CLEC9A: variants seen among roughly 807,000 people sequenced by gnomAD.
CLEC9A encodes C-type lectin domain family 9 member A.
CLEC9A carries 24 observed loss-of-function variants against 30.0 expected under a neutral mutation model. The ratio of observed to expected loss-of-function variants is 0.80; its 90% CI spans 0.58 to 1.13. The LOEUF is 1.13. Ranked by LOEUF, CLEC9A falls within the 50% of genes most tolerant of loss-of-function variation. The pLI, the probability that CLEC9A is intolerant of heterozygous loss-of-function variation, is 0.00. For missense variants in CLEC9A, 251 were observed against 280.9 expected (o/e 0.89, Z 0.76); for synonymous variants, 111 against 96.8 (o/e 1.15, Z -0.86).
At chr12:10,032,513 C>T in intron 1 of CLEC9A, among the ~76,000 whole-genome samples, 1 of 151,746 alleles carries the variant, frequency 6.6e-6, no homozygotes, top group Admixed American at 6.6e-5. Flanking sequence ...GCCTCAGCCT[C>T]TCGAGTAGCT....
intron 1 of CLEC9A, among the ~76,000 whole-genome samples, chr12:10,037,896 G>A (rs1865756992): frequency 6.6e-6 from 1 of 152,168 alleles, no homozygotes; most frequent in Admixed American, 6.5e-5. Flanking sequence ...AAGGAAGAGG[G>A]ACAAGAACGT....
chr12:10,049,743 G>A (rs1043880939), intron 2 of CLEC9A, among the ~76,000 whole-genome samples: 9 of 152,132 alleles, frequency 5.9e-5, no homozygotes, highest in African/African-American at 2.2e-4. Context: ...TGCTGTAATT[G>A]GCTTGATCTT....
intron 5 of CLEC9A, among the ~76,000 whole-genome samples, chr12:10,059,951 T>A (rs1865981915): frequency 6.6e-6 from 1 of 152,056 alleles, no homozygotes. Context: ...CAAGAAAAGA[T>A]GTTCAATGTC....
At chr12:10,042,584 T>C (rs1268539431) in intron 2 of CLEC9A, among the ~76,000 whole-genome samples, 1 of 152,084 alleles carries the variant, frequency 6.6e-6, no homozygotes, top group Non-Finnish European at 1.5e-5. Context: ...ATCCTTAAGC[T>C]CAAGGAGCAT....
intron 1 of CLEC9A, among the ~76,000 whole-genome samples, chr12:10,035,324 G>A (rs1327069591): frequency 5.9e-5 from 9 of 152,162 alleles, no homozygotes; most frequent in Admixed American, 2.0e-4. Flanking sequence ...CATCCAGGTC[G>A]GTGGGCAAAG....
At chr12:10,044,019 G>T (rs535661340) in intron 2 of CLEC9A, among the ~76,000 whole-genome samples, 1 of 152,194 alleles carries the variant, frequency 6.6e-6, no homozygotes, top group Admixed American at 6.5e-5. Context: ...TCCTTATTTT[G>T]TTACAGTTGA....
At chr12:10,063,939 T>C (rs1040335133) in intron 7 of CLEC9A, among the ~76,000 whole-genome samples, 2 of 151,912 alleles carry the variant, frequency 1.3e-5, no homozygotes, top group Non-Finnish European at 2.9e-5. Flanking sequence ...ACCCAGGAGG[T>C]AGAGGTTTGC....
intron 5 of CLEC9A, among the ~76,000 whole-genome samples, chr12:10,058,876 G>T (rs960565620): frequency 6.6e-6 from 1 of 152,136 alleles, no homozygotes; most frequent in Non-Finnish European, 1.5e-5. Flanking sequence ...CTGTGTGATC[G>T]TGGTTACCTC....
In CLEC9A at chr12:10,061,184, G is replaced by A; in HGVS notation, c.230G>A (p.Arg77Lys). Residue 77 changes from arginine to lysine, a missense_variant, in exon 6 of 9, where the codon AGG becomes AAG. Physicochemically the swap from Arg to Lys is conservative, Grantham distance 26. Transcript: ENST00000355819. ...CAAGAAAAACTCATCCAACAAGAGA[G>A]GGCACTGCTAAACTTTACAGAATGG... ...QQQEKLIQQERALLNFTEWKR... is the reference protein window; with the variant it reads ...QQQEKLIQQEKALLNFTEWKR... 1.2e-6 allele frequency: 2 copies of A among 1,613,200 alleles called. No homozygotes were observed. Among genetic ancestry groups the A allele is most frequent in the South Asian group, 1.1e-5 (1 of 90,892 alleles).
chr12:10,052,936 G>T, intron 4 of CLEC9A, 158 bp downstream of exon 4: 1 of 763,962 alleles, frequency 1.3e-6, no homozygotes, highest in Non-Finnish European at 1.9e-6. Context: ...GAAGGATTAA[G>T]TAACGGTGAA....
intron 1 of CLEC9A, among the ~76,000 whole-genome samples, chr12:10,035,600 T>A (rs141621611): frequency 6.6e-6 from 1 of 152,228 alleles, no homozygotes; most frequent in Non-Finnish European, 1.5e-5. Flanking sequence ...GATAGTACAT[T>A]TTTGTTGTTG....
chr12:10,064,430 G>A (rs187770252), intron 7 of CLEC9A, among the ~76,000 whole-genome samples: 5 of 152,222 alleles, frequency 3.3e-5, no homozygotes, highest in Middle Eastern at 3.4e-3. Flanking sequence ...TTTTGATAAC[G>A]AAGGTTCAGT....
At chr12:10,052,311 C>G (rs773538913) in intron 3 of CLEC9A, 1 of 182,200 alleles carries the variant, frequency 5.5e-6, no homozygotes, top group Non-Finnish European at 1.1e-5. Context: ...ATCTAGGTCA[C>G]CCCACGCTTC....
intron 2 of CLEC9A, among the ~76,000 whole-genome samples, chr12:10,047,627 C>T (rs1865857617): frequency 6.6e-6 from 1 of 152,144 alleles, no homozygotes; most frequent in South Asian, 2.1e-4. Context: ...AGTTCCAGAC[C>T]ACCACAATAA....
At chr12:10,039,730 T>C (rs1865774767) in intron 1 of CLEC9A, among the ~76,000 whole-genome samples, 1 of 152,256 alleles carries the variant, frequency 6.6e-6, no homozygotes, top group African/African-American at 2.4e-5. Flanking sequence ...GTTTGTATAT[T>C]TGTTGATTTT....
intron 5 of CLEC9A, among the ~76,000 whole-genome samples, chr12:10,059,976 A>C (rs1281079919): frequency 6.6e-6 from 1 of 152,230 alleles, no homozygotes; most frequent in Non-Finnish European, 1.5e-5. Context: ...GCCATTAAGG[A>C]AATGTAAATT....
intron 4 of CLEC9A, among the ~76,000 whole-genome samples, chr12:10,053,711 G>A (rs920243133): frequency 7.2e-5 from 11 of 151,806 alleles, no homozygotes; most frequent in African/African-American, 2.2e-4. Context: ...ATTTTTCTCT[G>A]ATTAGTGTTT....
chr12:10,060,952 C>T (rs926335094), intron 5 of CLEC9A, 175 bp from the exon 6 acceptor site: 11 of 661,228 alleles, frequency 1.7e-5, no homozygotes, highest in Admixed American at 4.3e-5. Context: ...TTTTGTTCCA[C>T]GTCTTTTGTA....
intron 2 of CLEC9A, among the ~76,000 whole-genome samples, chr12:10,047,371 A>C (rs976353898): frequency 1.1e-4 from 16 of 152,258 alleles, no homozygotes; most frequent in Admixed American, 5.2e-4. Context: ...GTGCATGGCA[A>C]CAATACAATT....
Sources: gnomAD v4.1 joint callset for allele counts (sites outside exome capture counted in the v4.1 genomes callset) on GRCh38, gnomAD v4.1.1 for gene constraint, MANE v1.5 for transcripts, NCBI Gene and HGNC (gene_info 2026-07-23, HGNC 2026-07-21) for gene names.